Variants in GALNT13 observed in about 807,000 individuals in gnomAD.
GALNT13 encodes the protein UDP-GalNAc:polypeptide N-acetylgalactosaminyltransferase 13.
GALNT13 carries 28 observed loss-of-function variants against 64.2 expected under a neutral mutation model. That is an observed-to-expected ratio of 0.44 (90% CI 0.32 to 0.60). GALNT13 has a LOEUF of 0.60. GALNT13 is among the 20% of genes least tolerant of loss of function. The probability of loss-of-function intolerance (pLI) is 0.05; values close to 1 mark genes in which losing one functional copy is unlikely to be tolerated. For synonymous variants in GALNT13, 214 were observed against 224.6 expected, an observed-to-expected ratio of 0.95 and a Z score of 0.42; for missense variants, 577 against 669.8, an observed-to-expected ratio of 0.86 and a Z score of 1.53.
At chr2:153,586,709 A>T in the GALNT13 span, among the ~76,000 whole-genome samples, 3 of 152,202 alleles carry the variant, frequency 2.0e-5, no homozygotes, top group Admixed American at 1.3e-4. Flanking sequence ...AGAACTTTCT[A>T]CCCAACAACT....
At chr2:154,152,697 A>G (rs905614723) in intron 4 of GALNT13, among the ~76,000 whole-genome samples, 1 of 151,950 alleles carries the variant, frequency 6.6e-6, no homozygotes, top group Non-Finnish European at 1.5e-5. Flanking sequence ...TCCATCACTG[A>G]TACTCTTTCT....
chr2:153,118,192 CA>C, the GALNT13 span, among the ~76,000 whole-genome samples: 1 of 149,454 alleles, frequency 6.7e-6, no homozygotes, highest in African/African-American at 2.5e-5. Flanking sequence ...AAAGAAAAGT[CA>C]ATAGTCTTTA....
At chr2:153,519,769 G>A in the GALNT13 span, among the ~76,000 whole-genome samples, 3 of 152,072 alleles carry the variant, frequency 2.0e-5, no homozygotes, top group African/African-American at 7.2e-5. Context: ...AAAGTTAGAG[G>A]AGTCACAAAA....
the GALNT13 span, among the ~76,000 whole-genome samples, chr2:153,782,584 G>A: frequency 6.6e-6 from 1 of 152,086 alleles, no homozygotes; most frequent in South Asian, 2.1e-4. Flanking sequence ...AGTTAAAATG[G>A]GTTATTAAGG....
chr2:154,134,404 A>G (rs553005438), intron 3 of GALNT13, among the ~76,000 whole-genome samples: 2 of 152,330 alleles, frequency 1.3e-5, no homozygotes, highest in South Asian at 2.1e-4. Flanking sequence ...GAGAAAAGGA[A>G]TAATTCTAAT....
chr2:154,180,777 C>G (rs753389852), intron 4 of GALNT13, among the ~76,000 whole-genome samples: 9 of 152,030 alleles, frequency 5.9e-5, no homozygotes, highest in Non-Finnish European at 1.2e-4. Flanking sequence ...CTAATATGGT[C>G]TATATACTTA....
At chr2:153,681,906 T>A in the GALNT13 span, among the ~76,000 whole-genome samples, 2 of 151,918 alleles carry the variant, frequency 1.3e-5, no homozygotes, top group African/African-American at 4.8e-5. Context: ...AGAAATTTAC[T>A]ATCACTCAAT....
intron 3 of GALNT13, among the ~76,000 whole-genome samples, chr2:153,969,475 G>T (rs908453319): frequency 5.3e-5 from 8 of 151,844 alleles, no homozygotes; most frequent in Non-Finnish European, 2.9e-5. Context: ...GAATATAAAA[G>T]AACTTATAAG....
chr2:154,199,177 G>A (rs1348710425), intron 4 of GALNT13, among the ~76,000 whole-genome samples: 1 of 151,674 alleles, frequency 6.6e-6, no homozygotes, highest in Non-Finnish European at 1.5e-5. Context: ...ATCATGGTAT[G>A]TTTAGAAAAC....
chr2:153,198,691 C>T, the GALNT13 span, among the ~76,000 whole-genome samples: 8 of 152,236 alleles, frequency 5.3e-5, no homozygotes, highest in South Asian at 1.7e-3. Flanking sequence ...GCCTTCTTTT[C>T]TTTTTTAGTT....
At chr2:153,715,066 G>GGGCA in the GALNT13 span, among the ~76,000 whole-genome samples, 1 of 145,542 alleles carries the variant, frequency 6.9e-6, no homozygotes, top group African/African-American at 2.7e-5. Context: ...ATGGCTCTGG[G>GGGCA]GGCATCATTC....
At chr2:153,126,332 A>G in the GALNT13 span, among the ~76,000 whole-genome samples, 2 of 49,104 alleles carry the variant, frequency 4.1e-5, no homozygotes, top group East Asian at 1.0e-3. Flanking sequence ...ATATATATAT[A>G]TATATATATA....
At chr2:153,847,404 A>G in the GALNT13 span, among the ~76,000 whole-genome samples, 71 of 150,214 alleles carry the variant, frequency 4.7e-4, no homozygotes, top group South Asian at 5.0e-3. Flanking sequence ...TCATGCGCAC[A>G]CACACACACA....
At chr2:153,549,328 T>G in the GALNT13 span, among the ~76,000 whole-genome samples, 1 of 152,344 alleles carries the variant, frequency 6.6e-6, no homozygotes, top group Admixed American at 6.5e-5. Context: ...ACAGTAAAGT[T>G]CCCGTATTAT....
chr2:153,366,896 A>G, the GALNT13 span, among the ~76,000 whole-genome samples: 2 of 152,128 alleles, frequency 1.3e-5, no homozygotes, highest in Non-Finnish European at 2.9e-5. Flanking sequence ...TTCTCTTAAG[A>G]AATCATGTAA....
At chr2:153,152,177 A>C in the GALNT13 span, among the ~76,000 whole-genome samples, 1 of 151,964 alleles carries the variant, frequency 6.6e-6, no homozygotes, top group Non-Finnish European at 1.5e-5. Context: ...TCCTTATTAG[A>C]AATGACTTTT....
chr2:153,470,586 AGT>A, the GALNT13 span, among the ~76,000 whole-genome samples: 3 of 152,086 alleles, frequency 2.0e-5, no homozygotes, highest in African/African-American at 7.2e-5. Context: ...AGAAAGTCTG[AGT>A]GACACTAGAT....
At chr2:153,606,930 A>G in the GALNT13 span, among the ~76,000 whole-genome samples, 1 of 150,622 alleles carries the variant, frequency 6.6e-6, no homozygotes, top group East Asian at 2.0e-4. Context: ...ACTCCCTATC[A>G]ATCACTTCCA....
intron 10 of GALNT13, among the ~76,000 whole-genome samples, chr2:154,408,033 C>G (rs1035585): frequency 0.66 from 100,919 of 151,976 alleles, 33,873 homozygotes; most frequent in Admixed American, 0.73. Context: ...ATTCTACCAA[C>G]TGAACAGTAA....
Sources: gnomAD v4.1 joint callset for allele counts (sites outside exome capture counted in the v4.1 genomes callset) on GRCh38, gnomAD v4.1.1 for gene constraint, MANE v1.5 for transcripts, NCBI Gene and HGNC (gene_info 2026-07-23, HGNC 2026-07-21) for gene names.